STOX2: variants seen among roughly 807,000 people sequenced by gnomAD.
The protein encoded by STOX2 is storkhead-box protein 2.
In STOX2, 28 loss-of-function variants were observed where a neutral mutation model predicts 60.9. That is an observed-to-expected ratio of 0.46 (90% CI 0.34 to 0.63). STOX2 has a LOEUF of 0.63. Among genes scored for constraint, STOX2 ranks in the 30% least tolerant of loss-of-function variants. The probability of loss-of-function intolerance (pLI) is 0.01; values close to 1 mark genes in which losing one functional copy is unlikely to be tolerated. For missense variants in STOX2, 1,024 were observed against 1,187.7 expected, an observed-to-expected ratio of 0.86 and a Z score of 2.03; for synonymous variants, 472 against 463.9, an observed-to-expected ratio of 1.02 and a Z score of -0.22.
At chr4:184,005,067 A>G (rs530727916) in intron 2 of STOX2, among the ~76,000 whole-genome samples, 103 of 152,370 alleles carry the variant, frequency 6.8e-4, no homozygotes, top group African/African-American at 2.4e-3. Context: ...AGAATAATCT[A>G]AAGATGCTCA....
intron 1 of STOX2, among the ~76,000 whole-genome samples, chr4:183,981,192 G>A (rs2111188307): frequency 6.6e-6 from 1 of 152,236 alleles, no homozygotes; most frequent in African/African-American, 2.4e-5. Context: ...CTCCCTAAAG[G>A]GTCAGTTCAC....
Position 183,894,571 on chromosome 4 carries a change from A to T in STOX2, c.364+96516A>T, listed in dbSNP as rs561572360. On this transcript the variant is annotated intron_variant, in intron 1 of 2. Transcript: ENST00000513034. ...TGGGACCTTTTTTTTTTTAACAGTT[A>T]TTGAAATTTGATAAAGCAGGAAACT... Among the ~76,000 whole-genome samples the T allele has an allele frequency of 4.0e-5, 6 of 151,564 alleles. No individual in the cohort carries two copies. The South Asian group carries it at 1.3e-3, about 32-fold the overall frequency.
chr4:183,986,566 A>G (rs1732850451), intron 1 of STOX2, among the ~76,000 whole-genome samples: 1 of 152,270 alleles, frequency 6.6e-6, no homozygotes, highest in Non-Finnish European at 1.5e-5. Context: ...GTAGATGAAT[A>G]TATAGTCTGC....
intron 1 of STOX2, among the ~76,000 whole-genome samples, chr4:183,860,442 CAAAAAAA>C (rs35753992): frequency 8.2e-5 from 10 of 121,506 alleles, no homozygotes; most frequent in African/African-American, 3.0e-4. Context: ...AAACAAAAAA[CAAAAAAA>C]AAAAAAAAAG....
rs1471615855 is a variant in STOX2, at chr4:183,825,706, C to T, written c.364+27651C>T. Among the ~76,000 whole-genome samples the T allele has an allele frequency of 1.3e-5, 2 of 151,494 alleles. No homozygotes were observed. Among genetic ancestry groups the T allele is most frequent in the Non-Finnish European group, 2.9e-5 (2 of 68,008 alleles). ...CTTGACAGGACAGGGGCAACCTAGA[C>T]CTAGTGGAGCAGGAGTCAGGGTCAG... On this transcript the variant is annotated intron_variant, in intron 1 of 2. Transcript: ENST00000513034. The surrounding 1 kb of genome is among the most constrained non-coding windows in gnomAD (Gnocchi z 4.1).
At chr4:183,818,693 C>A (rs372096676) in intron 1 of STOX2, among the ~76,000 whole-genome samples, 2 of 149,956 alleles carry the variant, frequency 1.3e-5, no homozygotes, top group African/African-American at 2.5e-5. Flanking sequence ...CGCCCCCCAC[C>A]TCCCGGACGG....
intron 1 of STOX2, among the ~76,000 whole-genome samples, chr4:183,973,954 A>G (rs1732333879): frequency 6.6e-6 from 1 of 152,248 alleles, no homozygotes; most frequent in Non-Finnish European, 1.5e-5. Context: ...AGATTGTGCC[A>G]CTGCGCTCCA....
intron 1 of STOX2, among the ~76,000 whole-genome samples, chr4:183,940,751 A>G (rs767806987): frequency 1.3e-5 from 2 of 152,118 alleles, no homozygotes; most frequent in Non-Finnish European, 2.9e-5. Context: ...TTCTTTAAAA[A>G]CTTCCTGGTC....
At chr4:183,823,073 A>G (rs965131645) in intron 1 of STOX2, among the ~76,000 whole-genome samples, 1 of 152,192 alleles carries the variant, frequency 6.6e-6, no homozygotes, top group Non-Finnish European at 1.5e-5. Flanking sequence ...TGTAACCGCA[A>G]TGATCTAGCG....
intron 1 of STOX2, among the ~76,000 whole-genome samples, chr4:183,907,807 G>T (rs932832381): frequency 6.6e-6 from 1 of 152,226 alleles, no homozygotes; most frequent in African/African-American, 2.4e-5. Context: ...GAAACCTTCC[G>T]TTGCCTTCTC....
At chr4:183,907,322 G>GT (rs1194929329) in intron 1 of STOX2, among the ~76,000 whole-genome samples, 1 of 152,210 alleles carries the variant, frequency 6.6e-6, no homozygotes, top group East Asian at 1.9e-4. Context: ...ATTGTGGCCG[G>GT]TTATCTGAGT....
In STOX2 at chr4:184,020,682, A is replaced by G. The variant is rs930254767; in HGVS notation, c.*3398A>G. 32 of 142,756 alleles carry G rather than the reference A, an allele frequency of 2.2e-4. No homozygotes were observed. The highest frequency in any genetic ancestry group is 8.2e-4 in the African/African-American group (31 of 38,008). 8.8% of individuals were successfully genotyped at this position (142,756 alleles called of 1,614,324 possible). On this transcript the variant is annotated 3_prime_UTR_variant, in exon 4 of 4. Coordinates refer to ENST00000308497, the MANE Select transcript of STOX2 (RefSeq NM_020225.3). ...CAGGGGACCATAATGAACATATGAA[A>G]GGGGGGGGGGTGCCATCAAATAGAG...
chr4:183,967,362 G>C (rs1207514107), intron 1 of STOX2, among the ~76,000 whole-genome samples: 2 of 144,570 alleles, frequency 1.4e-5, no homozygotes, highest in African/African-American at 2.7e-5. Flanking sequence ...GCGAAACTCC[G>C]TCTCAAGAGA....
At chr4:184,007,859 C>T (rs991441836) in intron 2 of STOX2, among the ~76,000 whole-genome samples, 33 of 152,156 alleles carry the variant, frequency 2.2e-4, no homozygotes, top group African/African-American at 6.3e-4. Context: ...GATTAGAGAC[C>T]GCTCTAACGA....
At chr4:183,936,955 A>T (rs1742606681) in intron 1 of STOX2, among the ~76,000 whole-genome samples, 1 of 152,268 alleles carries the variant, frequency 6.6e-6, no homozygotes, top group Non-Finnish European at 1.5e-5. Context: ...ACTTTTGCAC[A>T]TCATAAGTTT....
intron 1 of STOX2, among the ~76,000 whole-genome samples, chr4:183,879,622 A>G (rs1379712323): frequency 2.0e-5 from 3 of 152,040 alleles, no homozygotes; most frequent in Non-Finnish European, 4.4e-5. Context: ...GGCACCTTTC[A>G]CCATTTCTCC....
At chr4:183,925,331 A>G (rs1724428303) in intron 1 of STOX2, among the ~76,000 whole-genome samples, 1 of 152,190 alleles carries the variant, frequency 6.6e-6, no homozygotes, top group Admixed American at 6.5e-5. Context: ...AATCTTGATC[A>G]CAAACTGTCA....
intron 1 of STOX2, among the ~76,000 whole-genome samples, chr4:183,877,421 GT>G: frequency 6.6e-6 from 1 of 152,296 alleles, no homozygotes; most frequent in Non-Finnish European, 1.5e-5. Flanking sequence ...CAGCCAGTAT[GT>G]TAGCATGAAT....
intron 1 of STOX2, among the ~76,000 whole-genome samples, chr4:183,852,682 C>CT (rs1187794391): frequency 6.6e-6 from 1 of 152,258 alleles, no homozygotes; most frequent in South Asian, 2.1e-4. Context: ...ATGGGAGGTT[C>CT]TTTTTTTCTG....
Sources: gnomAD v4.1 joint callset for allele counts (sites outside exome capture counted in the v4.1 genomes callset) on GRCh38, gnomAD v4.1.1 for gene constraint, Gnocchi (gnomAD v3.1) non-coding constraint, MANE v1.5 for transcripts, NCBI Gene and HGNC (gene_info 2026-07-23, HGNC 2026-07-21) for gene names.